EXT1: variants seen among roughly 807,000 people sequenced by gnomAD.
EXT1 encodes the protein exostosin-1.
In EXT1, 20 loss-of-function variants were observed where a neutral mutation model predicts 82.5. That is an observed-to-expected ratio of 0.24 (90% CI 0.17 to 0.35). The LOEUF is 0.35. EXT1 is among the 10% of genes least tolerant of loss of function. EXT1 has a pLI of 1.00. For missense variants in EXT1, 757 were observed against 936.5 expected, an observed-to-expected ratio of 0.81 and a Z score of 2.50; for synonymous variants, 348 against 350.8, an observed-to-expected ratio of 0.99 and a Z score of 0.09.
intron 1 of EXT1, among the ~76,000 whole-genome samples, chr8:117,871,674 G>C (rs1194519712): frequency 6.6e-6 from 1 of 152,140 alleles, no homozygotes; most frequent in African/African-American, 2.4e-5. Flanking sequence ...AGTTACCATG[G>C]TCAGGTTAGG....
chr8:117,884,783 T>G (rs1398296016), intron 1 of EXT1, among the ~76,000 whole-genome samples: 1 of 152,190 alleles, frequency 6.6e-6, no homozygotes, highest in Non-Finnish European at 1.5e-5. Flanking sequence ...GGGGTGGGTA[T>G]AGCACCCAGC....
intron 1 of EXT1, among the ~76,000 whole-genome samples, chr8:117,982,898 A>G (rs1815237970): frequency 1.3e-5 from 2 of 152,224 alleles, no homozygotes; most frequent in Non-Finnish European, 1.5e-5. Flanking sequence ...CTTAGGGACT[A>G]TAGAGTTCTG....
Position 118,111,419 on chromosome 8 carries a change from T to G in EXT1, c.-373A>C. ...ATACCCAATCAATGGCAAGACGAAG[T>G]GATTGCCTTGCCTCTCGGATTCCTC... On this transcript the variant is annotated 5_prime_UTR_variant, in exon 1 of 11. Coordinates refer to ENST00000378204, the MANE Select transcript of EXT1 (RefSeq NM_000127.3). 1.9e-6 allele frequency: 1 copy of G among 538,734 alleles called. No individual in the cohort carries two copies. Among genetic ancestry groups the G allele is most frequent in the Non-Finnish European group, 3.3e-6 (1 of 307,206 alleles). The allele number at this position is 538,734 out of a possible 1,614,324, so 33.4% of individuals were successfully genotyped here. A position where few individuals can be genotyped will look rare whatever the true frequency, so the allele number is the denominator to read the frequency against.
chr8:118,088,698 T>TC (rs1480794108), intron 1 of EXT1, among the ~76,000 whole-genome samples: 1 of 144,816 alleles, frequency 6.9e-6, no homozygotes, highest in Non-Finnish European at 1.5e-5. Flanking sequence ...TTTTTTTTTT[T>TC]CCTCTGCTTT....
chr8:117,929,453 G>A (rs772405786), intron 1 of EXT1, among the ~76,000 whole-genome samples: 4 of 152,162 alleles, frequency 2.6e-5, no homozygotes, highest in Non-Finnish European at 5.9e-5. Context: ...GACATCATCC[G>A]TCCGTTGCCA....
rs1006131741 is a variant in EXT1 at position 118,075,997 on chromosome 8, A to G, written c.962+34088T>C. On this transcript the variant is annotated intron_variant, in intron 1 of 10. Transcript: ENST00000378204. The stretch of plus-strand genomic sequence containing the variant: ...ATATCCAAACTATATCATATGATAA[A>G]GAGAAAACAAATACATACATGGTTA... 4.5e-4 allele frequency among the ~76,000 whole-genome samples: 69 copies of G among 152,320 alleles called. 1 individual carries two copies. Among genetic ancestry groups the G allele is most frequent in the African/African-American group, 1.6e-3 (67 of 41,576 alleles).
chr8:117,937,615 T>TC (rs1814192576), intron 1 of EXT1, among the ~76,000 whole-genome samples: 1 of 152,264 alleles, frequency 6.6e-6, no homozygotes, highest in South Asian at 2.1e-4. Flanking sequence ...TCAAACGGTT[T>TC]CCTTATTAGC....
chr8:117,935,528 T>C (rs1814143211), intron 1 of EXT1, among the ~76,000 whole-genome samples: 1 of 151,946 alleles, frequency 6.6e-6, no homozygotes, highest in African/African-American at 2.4e-5. Context: ...TAATTCATTT[T>C]AAATTTACTT....
intron 1 of EXT1, among the ~76,000 whole-genome samples, chr8:117,901,958 A>G (rs922096242): frequency 1.7e-4 from 26 of 151,946 alleles, no homozygotes; most frequent in African/African-American, 6.0e-4. Flanking sequence ...TTGGCCTCTC[A>G]AAGTGCTGGG....
At chr8:117,863,795 T>C (rs549034606) in intron 1 of EXT1, among the ~76,000 whole-genome samples, 2 of 152,014 alleles carry the variant, frequency 1.3e-5, no homozygotes, top group South Asian at 4.2e-4. Context: ...AGGAAGAAGG[T>C]GGAAGGAGCA....
intron 1 of EXT1, among the ~76,000 whole-genome samples, chr8:117,953,841 C>T (rs1172604925): frequency 6.6e-6 from 1 of 151,910 alleles, no homozygotes; most frequent in Non-Finnish European, 1.5e-5. Flanking sequence ...ACCCGGGTGG[C>T]GGAGGTTGCA....
chr8:117,972,115 A>T (rs947834698), intron 1 of EXT1, among the ~76,000 whole-genome samples: 1 of 151,056 alleles, frequency 6.6e-6, no homozygotes, highest in Admixed American at 6.6e-5. Context: ...GTGCCATTGC[A>T]GTCCAGCCCG....
At chr8:117,952,829 T>C (rs1031444096) in intron 1 of EXT1, among the ~76,000 whole-genome samples, 2 of 152,158 alleles carry the variant, frequency 1.3e-5, no homozygotes, top group Admixed American at 6.5e-5. Context: ...CAGTTTTGCA[T>C]TGGCTTAAAT....
intron 1 of EXT1, among the ~76,000 whole-genome samples, chr8:118,028,108 C>T (rs2129871884): frequency 6.6e-6 from 1 of 152,278 alleles, no homozygotes; most frequent in Non-Finnish European, 1.5e-5. Flanking sequence ...GTGGTCCCAG[C>T]CCCTAAAGGC....
At chr8:118,067,128 CA>C (rs1217245542) in intron 1 of EXT1, among the ~76,000 whole-genome samples, 1 of 152,132 alleles carries the variant, frequency 6.6e-6, no homozygotes, top group African/African-American at 2.4e-5. Flanking sequence ...TTGCTTTAAC[CA>C]AAAGAATGTA....
At chr8:117,821,723 T>C (rs1811927476) in intron 5 of EXT1, among the ~76,000 whole-genome samples, 1 of 152,238 alleles carries the variant, frequency 6.6e-6, no homozygotes, top group African/African-American at 2.4e-5. Context: ...CTGTATCAGC[T>C]TGGAAGATGC....
intron 1 of EXT1, among the ~76,000 whole-genome samples, chr8:117,946,683 GCAGGCATTGATC>G (rs1236049867): frequency 6.6e-6 from 1 of 152,038 alleles, no homozygotes; most frequent in Non-Finnish European, 1.5e-5. Flanking sequence ...TCAGCAAACA[GCAGGCATTGATC>G]CAGGGCAGGG....
rs1397773459 is a variant in EXT1 at position 117,835,298 on chromosome 8, G to A, written c.1164+146C>T. 2.5e-5 allele frequency: 17 copies of A among 687,040 alleles called. No individual in the cohort carries two copies. In the East Asian group the frequency reaches 4.6e-4, roughly 19 times the overall value. The allele number at this position is 687,040 out of a possible 1,614,324, so 42.6% of individuals were successfully genotyped here. A position where few individuals can be genotyped will look rare whatever the true frequency, so the allele number is the denominator to read the frequency against. On this transcript the variant is annotated intron_variant, in intron 3 of 10. Transcript: ENST00000378204. ...GAAAGTGAACAATGTCATATTAAAT[G>A]ACTTCATATTCACCATGACACAGGT...
chr8:118,041,211 CAGAT>C (rs1381541775), intron 1 of EXT1, among the ~76,000 whole-genome samples: 2 of 152,164 alleles, frequency 1.3e-5, no homozygotes, highest in Non-Finnish European at 2.9e-5. Context: ...AAGTCTAAAA[CAGAT>C]AGGACGTTCT....
Sources: allele counts gnomAD v4.1 joint callset (sites outside exome capture counted in the v4.1 genomes callset), GRCh38; gene constraint gnomAD v4.1.1; transcripts MANE v1.5; gene names NCBI Gene and HGNC (gene_info 2026-07-23, HGNC 2026-07-21).